Variants in DCC observed in about 807,000 individuals in gnomAD.
DCC encodes netrin receptor DCC.
In DCC, 58 loss-of-function variants were observed where a neutral mutation model predicts 172.5. The observed-to-expected ratio is 0.34, with a 90% CI of 0.27 to 0.42. The LOEUF is 0.42. Ranked by LOEUF, DCC falls within the 10% of genes least tolerant of loss-of-function variation. The pLI, the probability that DCC is intolerant of heterozygous loss-of-function variation, is 1.00. For synonymous variants in DCC, 709 were observed against 644.5 expected (o/e 1.10, Z -1.52); for missense variants, 1,740 against 1,791.0 (o/e 0.97, Z 0.51).
At chr18:52,479,210 A>C (rs1330883488) in intron 1 of DCC, among the ~76,000 whole-genome samples, 1 of 152,176 alleles carries the variant, frequency 6.6e-6, no homozygotes, top group Non-Finnish European at 1.5e-5. Context: ...TTATCTTTTA[A>C]ATACTTAAGC....
chr18:53,279,518 A>C (rs1368954245), intron 12 of DCC, among the ~76,000 whole-genome samples: 2 of 148,354 alleles, frequency 1.3e-5, no homozygotes, highest in Non-Finnish European at 3.0e-5. Flanking sequence ...GAGGGGGGAG[A>C]GATAGCATTA....
At chr18:53,475,412 G>A (rs2045749982) in intron 25 of DCC, among the ~76,000 whole-genome samples, 2 of 152,182 alleles carry the variant, frequency 1.3e-5, no homozygotes, top group Admixed American at 1.3e-4. Context: ...GTGGTTCCAT[G>A]GACCAGGCCC....
chr18:52,385,018 A>C (rs925294428), intron 1 of DCC, among the ~76,000 whole-genome samples: 7 of 152,112 alleles, frequency 4.6e-5, no homozygotes, highest in African/African-American at 1.4e-4. Flanking sequence ...CACATAACCA[A>C]AACTCAGACT....
chr18:52,745,557 G>A lies in DCC; in HGVS notation c.92-6497G>A, dbSNP rs560552420. 8.4e-4 allele frequency among the ~76,000 whole-genome samples: 128 copies of A among 152,044 alleles called. 2 individuals are homozygous for A. In the South Asian group the frequency reaches 0.026, roughly 31 times the overall value. ...TTTATAGGATACAGGCTGATATTTT[G>A]TTACATGTATACAATGTTTGGTGAT... On this transcript the variant is annotated intron_variant, in intron 1 of 28. Coordinates refer to ENST00000442544, the MANE Select transcript of DCC (RefSeq NM_005215.4).
intron 1 of DCC, among the ~76,000 whole-genome samples, chr18:52,382,248 G>A (rs542156566): frequency 2.0e-5 from 3 of 152,126 alleles, no homozygotes; most frequent in Non-Finnish European, 2.9e-5. Flanking sequence ...AATAATTTAC[G>A]TGCTATAATA....
At chr18:52,488,923 A>G (rs2030361145) in intron 1 of DCC, among the ~76,000 whole-genome samples, 1 of 151,994 alleles carries the variant, frequency 6.6e-6, no homozygotes. Flanking sequence ...TTGCAACATA[A>G]CTTCAACAAA....
chr18:52,399,262 G>C (rs1025873922), intron 1 of DCC, among the ~76,000 whole-genome samples: 1 of 151,858 alleles, frequency 6.6e-6, no homozygotes, highest in Non-Finnish European at 1.5e-5. Context: ...ATCAGGGACA[G>C]CTTTACTGAT....
rs747385530 is a variant in DCC at position 53,416,140 on chromosome 18, A to T, written c.3147A>T (p.Lys1049Asn). 15 of 1,610,932 alleles carry T rather than the reference A, an allele frequency of 9.3e-6. No individual in the cohort carries two copies. Among genetic ancestry groups the T allele is most frequent in the Non-Finnish European group, 1.3e-5 (15 of 1,177,234 alleles). Reference sequence around the variant, plus strand: ...CCCCCGCAGTGGAACACCCTGACAAAATGGCTAATGACCAAGGTATGGTGG... The same window carrying T: ...CCCCCGCAGTGGAACACCCTGACAATATGGCTAATGACCAAGGTATGGTGG... ...FRTLKVEHPDKMANDQGRHGD... is the reference protein window; with the variant it reads ...FRTLKVEHPDNMANDQGRHGD... The change falls in exon 21 of 29, where the codon AAA becomes AAT. Residue 1049 changes from lysine (K) to asparagine (N), a missense_variant. Physicochemically the swap from Lys to Asn is moderately conservative, Grantham distance 94. This residue lies in a region of DCC where 1,732 missense variants were observed against 1,767.4 expected (regional missense o/e 0.98). Coordinates refer to ENST00000442544, the MANE Select transcript of DCC (RefSeq NM_005215.4).
intron 7 of DCC, among the ~76,000 whole-genome samples, chr18:53,091,969 A>T (rs778620935): frequency 1.3e-5 from 2 of 152,036 alleles, no homozygotes; most frequent in Non-Finnish European, 2.9e-5. Context: ...ACTGAAAATA[A>T]TCTGCTGATT....
intron 27 of DCC, among the ~76,000 whole-genome samples, chr18:53,525,812 T>TAAG (rs1437019866): frequency 6.6e-6 from 1 of 152,144 alleles, no homozygotes; most frequent in Non-Finnish European, 1.5e-5. Flanking sequence ...GTTACAATGC[T>TAAG]AAGAATGACA....
chr18:52,848,060 G>A lies in DCC; in HGVS notation c.413-57984G>A, dbSNP rs6508167. Among the ~76,000 whole-genome samples, 11 of 149,700 alleles carry A rather than the reference G, an allele frequency of 7.3e-5. No individual in the cohort carries two copies. In the East Asian group the frequency reaches 1.8e-3, roughly 24 times the overall value. ...TACTTCAGAGGAAAAACAGGAAAAGGTTCATTGATTTGACTTTTCTAATTT... is the reference window on the plus strand; with the variant it reads ...TACTTCAGAGGAAAAACAGGAAAAGATTCATTGATTTGACTTTTCTAATTT... On this transcript the variant is annotated intron_variant, in intron 2 of 28. Transcript: ENST00000442544.
In DCC at chr18:52,747,064, A is replaced by C. The variant is rs1052317343; in HGVS notation, c.92-4990A>C. Among the ~76,000 whole-genome samples the C allele has an allele frequency of 1.1e-4, 16 of 148,906 alleles. No homozygotes were observed. The South Asian group carries it at 1.5e-3, about 14-fold the overall frequency. ...GATAAGAAACGCTAGCCAATAGTTAAATACATATATGGCTTTATGCCTATA... is the reference window on the plus strand; with the variant it reads ...GATAAGAAACGCTAGCCAATAGTTACATACATATATGGCTTTATGCCTATA... On this transcript the variant is annotated intron_variant, in intron 1 of 28. Transcript: ENST00000442544.
chr18:52,898,697 C>T (rs9957129), intron 2 of DCC, among the ~76,000 whole-genome samples: 59,680 of 147,956 alleles, frequency 0.4, 12,348 homozygotes, highest in Non-Finnish European at 0.48. Flanking sequence ...GATTTTTTAC[C>T]TCATTTTTTT....
intron 24 of DCC, among the ~76,000 whole-genome samples, chr18:53,460,596 A>G (rs963159094): frequency 9.2e-5 from 14 of 151,790 alleles, no homozygotes; most frequent in Non-Finnish European, 1.8e-4. Context: ...CCATGTCCCT[A>G]CAAAGGACAT....
In DCC at chr18:52,360,964, A is replaced by G. The variant is rs77581656; in HGVS notation, c.91+20086A>G. Among the ~76,000 whole-genome samples the G allele has an allele frequency of 6.9e-3, 1,049 of 152,298 alleles. 9 individuals carry two copies. The highest frequency in any genetic ancestry group is 0.014 in the Admixed American group (211 of 15,302). On this transcript the variant is annotated intron_variant, in intron 1 of 28. Coordinates refer to ENST00000442544, the MANE Select transcript of DCC (RefSeq NM_005215.4). ...CACAGTTAAAGTCAATTAATCCTCA[A>G]ACTTACAGTTTAAAACTCATCTATT...
intron 9 of DCC, among the ~76,000 whole-genome samples, chr18:53,196,979 C>T (rs1402027600): frequency 2.0e-5 from 3 of 151,930 alleles, no homozygotes; most frequent in Non-Finnish European, 2.9e-5. Context: ...ACATTGCCTG[C>T]AGGCTTTTTG....
intron 1 of DCC, among the ~76,000 whole-genome samples, chr18:52,429,559 C>A (rs1987552185): frequency 6.6e-6 from 1 of 152,044 alleles, no homozygotes; most frequent in Non-Finnish European, 1.5e-5. Context: ...TCATGGGCCC[C>A]TTTGATTTTA....
intron 7 of DCC, among the ~76,000 whole-genome samples, chr18:53,133,876 AAAG>A (rs2043697149): frequency 6.6e-6 from 1 of 152,222 alleles, no homozygotes; most frequent in Non-Finnish European, 1.5e-5. Context: ...CAGGTCATAC[AAAG>A]AAGAATAAAA....
chr18:53,282,976 G>A (rs901998415), intron 12 of DCC, among the ~76,000 whole-genome samples: 1 of 152,116 alleles, frequency 6.6e-6, no homozygotes, highest in African/African-American at 2.4e-5. Context: ...TTCACTGACT[G>A]TATCACATAG....
Sources: allele counts gnomAD v4.1 joint callset (sites outside exome capture counted in the v4.1 genomes callset), GRCh38; gene constraint gnomAD v4.1.1; regional missense constraint gnomAD v4.1.1; transcripts MANE v1.5; gene names NCBI Gene and HGNC (gene_info 2026-07-23, HGNC 2026-07-21).